The following PAPPA2 variants were observed in gnomAD, a reference collection of about 807,000 sequenced individuals.
PAPPA2 encodes pappalysin-2.
PAPPA2 carries 86 observed loss-of-function variants against 176.4 expected under a neutral mutation model. The ratio of observed to expected loss-of-function variants is 0.49; its 90% CI spans 0.41 to 0.58. The LOEUF (loss-of-function observed/expected upper bound fraction) is 0.58. Ranked by LOEUF, PAPPA2 falls within the 20% of genes least tolerant of loss-of-function variation. The pLI is 0.00. For missense variants in PAPPA2, 2,073 were observed against 2,256.9 expected (o/e 0.92, Z 1.65); for synonymous variants, 809 against 852.2 (o/e 0.95, Z 0.88).
At chr1:176,713,908 T>C (rs538241029) in intron 12 of PAPPA2, among the ~76,000 whole-genome samples, 1 of 152,330 alleles carries the variant, frequency 6.6e-6, no homozygotes, top group Admixed American at 6.5e-5. Context: ...TTGACTCTTA[T>C]ATTGCTTAAA....
intron 1 of PAPPA2, among the ~76,000 whole-genome samples, chr1:176,534,495 G>A (rs996060473): frequency 2.0e-5 from 3 of 152,176 alleles, no homozygotes; most frequent in African/African-American, 4.8e-5. Flanking sequence ...TGTAAGGATC[G>A]GCTGCCTTTA....
intron 11 of PAPPA2, among the ~76,000 whole-genome samples, chr1:176,710,650 G>A (rs577857614): frequency 1.3e-5 from 2 of 151,996 alleles, no homozygotes; most frequent in African/African-American, 4.8e-5. Context: ...ACTGAAAAGA[G>A]GATTAAAGGC....
chr1:176,791,836 C>G (rs1665191301), intron 19 of PAPPA2, among the ~76,000 whole-genome samples: 1 of 152,160 alleles, frequency 6.6e-6, no homozygotes, highest in African/African-American at 2.4e-5. Flanking sequence ...GCCACTGCAC[C>G]CAGCCCGCCC....
At chr1:176,469,154 C>G (rs1651762457) in intron 1 of PAPPA2, among the ~76,000 whole-genome samples, 1 of 152,202 alleles carries the variant, frequency 6.6e-6, no homozygotes, top group African/African-American at 2.4e-5. Flanking sequence ...ACATTTTTTG[C>G]TGCTTCAATT....
At chr1:176,695,436 A>C (rs1660329282) in intron 6 of PAPPA2, among the ~76,000 whole-genome samples, 1 of 152,098 alleles carries the variant, frequency 6.6e-6, no homozygotes, top group Admixed American at 6.5e-5. Flanking sequence ...TTCAGATTTT[A>C]ATTGTTTGTT....
chr1:176,718,436 A>G (rs1312068805), intron 12 of PAPPA2, among the ~76,000 whole-genome samples: 1 of 151,882 alleles, frequency 6.6e-6, no homozygotes, highest in Non-Finnish European at 1.5e-5. Context: ...TTATGTTTGC[A>G]TTAACTTGTT....
chr1:176,785,333 G>A (rs936720619), intron 17 of PAPPA2, among the ~76,000 whole-genome samples: 23 of 152,084 alleles, frequency 1.5e-4, no homozygotes, highest in African/African-American at 5.6e-4. Context: ...ATTGGGCCCC[G>A]AGATACTTAA....
chr1:176,582,057 G>A (rs543043225), intron 2 of PAPPA2, among the ~76,000 whole-genome samples: 17 of 151,236 alleles, frequency 1.1e-4, no homozygotes, highest in African/African-American at 4.1e-4. Flanking sequence ...CCGAGTAGCT[G>A]GGACTACAGG....
intron 2 of PAPPA2, among the ~76,000 whole-genome samples, chr1:176,573,906 G>T (rs1325780265): frequency 6.6e-6 from 1 of 152,074 alleles, no homozygotes; most frequent in Non-Finnish European, 1.5e-5. Flanking sequence ...TCTCGTTGTG[G>T]AGAGTGACTG....
intron 1 of PAPPA2, among the ~76,000 whole-genome samples, chr1:176,493,920 T>C (rs1647451820): frequency 6.6e-6 from 1 of 152,226 alleles, no homozygotes; most frequent in Admixed American, 6.5e-5. Context: ...GAGAATTTTT[T>C]TGGATTATTG....
intron 3 of PAPPA2, among the ~76,000 whole-genome samples, chr1:176,669,869 T>A (rs1658886522): frequency 1.3e-5 from 2 of 152,128 alleles, no homozygotes; most frequent in African/African-American, 4.8e-5. Flanking sequence ...TGTCCTAACA[T>A]GAGCTTCTAG....
At chr1:176,829,767 T>C (rs1296922340) in intron 21 of PAPPA2, among the ~76,000 whole-genome samples, 1 of 152,200 alleles carries the variant, frequency 6.6e-6, no homozygotes, top group East Asian at 1.9e-4. Flanking sequence ...GCCTCATGTT[T>C]CAATTATGTG....
intron 3 of PAPPA2, among the ~76,000 whole-genome samples, chr1:176,654,530 C>T (rs1319298072): frequency 6.7e-6 from 1 of 150,172 alleles, no homozygotes; most frequent in Non-Finnish European, 1.5e-5. Flanking sequence ...GTGCCTCCAG[C>T]TATTTTTTTT....
intron 2 of PAPPA2, among the ~76,000 whole-genome samples, chr1:176,567,781 G>T (rs1168620456): frequency 1.3e-5 from 2 of 152,190 alleles, no homozygotes; most frequent in Non-Finnish European, 2.9e-5. Flanking sequence ...AAACCAAAAG[G>T]ATTTCTTGAG....
chr1:176,496,775 A>G (rs1482157704), intron 1 of PAPPA2, among the ~76,000 whole-genome samples: 4 of 152,234 alleles, frequency 2.6e-5, no homozygotes, highest in African/African-American at 9.6e-5. Context: ...AAGAAAGGAA[A>G]GTAGGGAATA....
intron 17 of PAPPA2, among the ~76,000 whole-genome samples, chr1:176,780,109 T>A (rs1233860324): frequency 6.6e-6 from 1 of 152,180 alleles, no homozygotes; most frequent in African/African-American, 2.4e-5. Context: ...TAAGGGACAA[T>A]GCAAATAACT....
chr1:176,756,469 C>T (rs549301643), intron 14 of PAPPA2, among the ~76,000 whole-genome samples: 2 of 152,096 alleles, frequency 1.3e-5, no homozygotes, highest in Non-Finnish European at 2.9e-5. Context: ...ATCTTTTTGT[C>T]GTTTCAAATA....
chr1:176,537,926 C>T (rs1169816855), intron 1 of PAPPA2, among the ~76,000 whole-genome samples: 1 of 152,034 alleles, frequency 6.6e-6, no homozygotes, highest in Non-Finnish European at 1.5e-5. Context: ...TCATGGATTC[C>T]TTCTTCTACT....
At chr1:176,791,314 C>A in intron 18 of PAPPA2, 33 bp from the exon 19 acceptor site, 1 of 1,500,838 alleles carries the variant, frequency 6.7e-7, no homozygotes, top group Non-Finnish European at 9.0e-7. Flanking sequence ...GTTAACAAAA[C>A]AATAATTAAG....
Sources: allele counts gnomAD v4.1 joint callset (sites outside exome capture counted in the v4.1 genomes callset), GRCh38; gene constraint gnomAD v4.1.1; transcripts MANE v1.5; gene names NCBI Gene and HGNC (gene_info 2026-07-23, HGNC 2026-07-21).